The following DYNC1H1 variants were observed in gnomAD, a reference collection of about 807,000 sequenced individuals.
DYNC1H1 encodes the protein dynein cytoplasmic 1 heavy chain 1, also known as cytoplasmic dynein 1 heavy chain 1.
Under a neutral mutation model 527.1 loss-of-function variants are expected in DYNC1H1, and 51 were observed. The observed-to-expected ratio is 0.10, with a 90% CI of 0.08 to 0.12. DYNC1H1 has a LOEUF of 0.12. DYNC1H1 is among the 10% of genes least tolerant of loss of function. DYNC1H1 has a pLI of 1.00. For synonymous variants in DYNC1H1, 2,189 were observed against 2,278.8 expected (o/e 0.96, Z 1.12); for missense variants, 2,771 against 5,971.8 (o/e 0.46, Z 17.66).
chr14:102,047,641 G>GTGTGTGTATATATA, intron 72 of DYNC1H1, 176 bp from the exon 73 acceptor site: 6 of 316,758 alleles, frequency 1.9e-5, no homozygotes, highest in African/African-American at 1.2e-4. Context: ...GTGTGTGTGT[G>GTGTGTGTATATATA]TATATATATA....
rs906261975 is a variant in DYNC1H1 at position 101,966,433 on chromosome 14, C to CT, written c.256+1496dup. 3.4e-4 allele frequency among the ~76,000 whole-genome samples: 50 copies of CT among 148,116 alleles called. 2 individuals are homozygous for CT. The highest frequency in any genetic ancestry group is 1.2e-3 in the East Asian group (6 of 5,114). On this transcript the variant is annotated intron_variant, in intron 1 of 77. Coordinates refer to ENST00000360184, the MANE Select transcript of DYNC1H1 (RefSeq NM_001376.5). ...GTTAAAAAAAAAAAATTTATCTACT[C>CT]TTTTTTTTTTCCAAAAAACATATAG...
At chr14:102,008,727 G>T (rs1354924711) in intron 29 of DYNC1H1, among the ~76,000 whole-genome samples, 3 of 152,192 alleles carry the variant, frequency 2.0e-5, no homozygotes, top group Non-Finnish European at 4.4e-5. Flanking sequence ...GGCAGAGGTT[G>T]TAGTGAACTG....
rs766725205 is a variant in DYNC1H1, at chr14:102,010,737, T to C, written c.6406-3T>C. 3.7e-6 allele frequency: 6 copies of C among 1,612,416 alleles called. No homozygotes were observed. Among genetic ancestry groups the C allele is most frequent in the East Asian group, 4.5e-5 (2 of 44,880 alleles). On this transcript the variant is annotated splice_polypyrimidine_tract_variant and splice_region_variant and intron_variant, in intron 31 of 77. Transcript: ENST00000360184. This position sits in a 1 kb window ranked among gnomAD's most constrained non-coding sequence, Gnocchi z 6.0. ...TGCTCACAGCCCAGCCCTCTCCCCG[T>C]AGATTCTGATACAGAGCGTCTGTGA...
chr14:102,004,800 C>G lies in DYNC1H1; in HGVS notation c.5088C>G (p.Pro1696=). The part of the protein sequence containing the change: ...FKTPVSITEH[P]KINEWLTLVE... The stretch of plus-strand genomic sequence containing the variant: ...CTCCTGTGTCAATTACTGAACATCC[C>G]AAAATCAATGAGTGGCTCACATTGG... Residue 1696 remains proline (P), a synonymous_variant, in exon 25 of 78, where the codon CCC becomes CCG. Transcript: ENST00000360184. 2 of 1,614,126 alleles carry G rather than the reference C, an allele frequency of 1.2e-6. No homozygotes were observed. Among genetic ancestry groups the G allele is most frequent in the Non-Finnish European group, 1.7e-6 (2 of 1,180,040 alleles).
chr14:101,964,945 A>G lies in DYNC1H1; in HGVS notation c.254A>G (p.Lys85Arg). 6.3e-7 allele frequency: 1 copy of G among 1,595,702 alleles called. No homozygotes were observed. Residue 85 changes from lysine (K) to arginine (R), a missense_variant and splice_region_variant, in exon 1 of 78, where the codon AAA becomes AGA. Physicochemically the swap from Lys to Arg is conservative, Grantham distance 26. This residue lies in a region of DYNC1H1 where 146 missense variants were observed against 288.1 expected (regional missense o/e 0.51). Transcript: ENST00000360184. This position sits in a 1 kb window ranked among gnomAD's most constrained non-coding sequence, Gnocchi z 5.5. ...GTGCTGGTGGAGCGCTCCACGCTCA[A>G]AGGTGCGGGGCCGCGGAGGGCAGGG... ...HTVLVERSTLKEDVGDEGEEE... is the reference protein window; with the variant it reads ...HTVLVERSTLREDVGDEGEEE...
intron 10 of DYNC1H1, among the ~76,000 whole-genome samples, chr14:101,990,611 AC>A (rs1219558510): frequency 6.6e-6 from 1 of 152,128 alleles, no homozygotes; most frequent in African/African-American, 2.4e-5. Flanking sequence ...GCAGTGGCTT[AC>A]CCCTGTAATC....
chr14:102,032,945 TG>T, intron 52 of DYNC1H1, 119 bp from the exon 53 acceptor site: 1 of 996,522 alleles, frequency 1.0e-6, no homozygotes. Flanking sequence ...TCATCCCCAG[TG>T]GTCAGTCACT....
intron 1 of DYNC1H1, among the ~76,000 whole-genome samples, chr14:101,969,901 C>T (rs940420537): frequency 1.3e-5 from 2 of 152,138 alleles, no homozygotes; most frequent in African/African-American, 4.8e-5. Context: ...GAGATTTAGC[C>T]CAGCCCTCAT....
intron 5 of DYNC1H1, among the ~76,000 whole-genome samples, chr14:101,981,993 T>G (rs969570520): frequency 1.3e-5 from 2 of 152,188 alleles, no homozygotes; most frequent in Admixed American, 1.3e-4. Flanking sequence ...ACCCCCAGAC[T>G]GGTACTGGTC....
At position 102,015,337 on chromosome 14, in the gene DYNC1H1, G is replaced by A. The variant is rs770870431; in HGVS notation, c.7242+5G>A. 5.6e-6 allele frequency: 9 copies of A among 1,607,000 alleles called. No individual in the cohort carries two copies. The highest frequency in any genetic ancestry group is 4.4e-5 in the South Asian group (4 of 90,252). On this transcript the variant is annotated splice_donor_5th_base_variant and intron_variant, in intron 35 of 77. Transcript: ENST00000360184. The surrounding 1 kb of genome is among the most constrained non-coding windows in gnomAD (Gnocchi z 6.9). ...GCCGCTTCCCCCATGCTGCAGGTACGCCCAGGTGGGACCCCACATATCATG... is the reference window on the plus strand; with the variant it reads ...GCCGCTTCCCCCATGCTGCAGGTACACCCAGGTGGGACCCCACATATCATG...
rs71116874 is a variant in DYNC1H1, at chr14:102,047,641, G to GTATATATA, written c.13007-160_13007-153dup. 5.2e-3 allele frequency: 1,650 copies of GTATATATA among 316,678 alleles called. 82 individuals carry two copies. The African/African-American group carries it at 0.052, about 10-fold the overall frequency. 19.6% of individuals were successfully genotyped at this position (316,678 alleles called of 1,614,324 possible). On this transcript the variant is annotated intron_variant, in intron 72 of 77. Coordinates refer to ENST00000360184, the MANE Select transcript of DYNC1H1 (RefSeq NM_001376.5). ...TACACGTGTGTGTGTGTGTGTGTGTGTATATATATATATATATATATATGT... is the reference window on the plus strand; with the variant it reads ...TACACGTGTGTGTGTGTGTGTGTGTGTATATATATATATATATATATATATATATATGT...
Position 101,985,664 on chromosome 14 carries a change from G to C in DYNC1H1, c.1462-23G>C. 6.2e-7 allele frequency: 1 copy of C among 1,613,402 alleles called. No individual in the cohort carries two copies. The highest frequency in any genetic ancestry group is 8.5e-7 in the Non-Finnish European group (1 of 1,179,412). On this transcript the variant is annotated intron_variant, in intron 7 of 77. Transcript: ENST00000360184. The surrounding 1 kb of genome is among the most constrained non-coding windows in gnomAD (Gnocchi z 5.9). Reference sequence around the variant, plus strand: ...AGCCTTCGTTTGGTCAGCATTTCTTGATTACATATCTTTCTCCTTTAGGTC... The same window carrying C: ...AGCCTTCGTTTGGTCAGCATTTCTTCATTACATATCTTTCTCCTTTAGGTC...
rs1178872568 is a variant in DYNC1H1, at chr14:102,011,534, A to T, written c.6619-341A>T. On this transcript the variant is annotated intron_variant, in intron 32 of 77. Coordinates refer to ENST00000360184, the MANE Select transcript of DYNC1H1 (RefSeq NM_001376.5). The surrounding 1 kb of genome is among the most constrained non-coding windows in gnomAD (Gnocchi z 5.3). ...CCTGACTTACTAAAGAACTCGCCAC[A>T]GTTTGGAAATGTTTGTTTTACATGT... 6 of 362,502 alleles carry T rather than the reference A, an allele frequency of 1.7e-5. No individual in the cohort carries two copies. In the East Asian group the frequency reaches 4.2e-4, roughly 25 times the overall value. The allele number at this position is 362,502 out of a possible 1,614,324, so 22.5% of individuals were successfully genotyped here. A position where few individuals can be genotyped will look rare whatever the true frequency, so the allele number is the denominator to read the frequency against.
At chr14:102,009,087 C>G (rs2048229858) in intron 29 of DYNC1H1, among the ~76,000 whole-genome samples, 1 of 152,168 alleles carries the variant, frequency 6.6e-6, no homozygotes. Context: ...GGAAACAAGC[C>G]CTTTATCACG....
Position 102,034,355 on chromosome 14 carries a change from C to G in DYNC1H1, c.10657C>G (p.Leu3553Val), listed in dbSNP as rs1595626695. The G allele has an allele frequency of 1.2e-6, 2 of 1,614,080 alleles. No homozygotes were observed. The highest frequency in any genetic ancestry group is 1.7e-6 in the Non-Finnish European group (2 of 1,180,062). Reference sequence around the variant, plus strand: ...TACAGATATTGCCAGGACGGAATACCTTTCCAATGCTGATGAGCGTCTTCG... The same window carrying G: ...TACAGATATTGCCAGGACGGAATACGTTTCCAATGCTGATGAGCGTCTTCG... ...FRTDIARTEY[L>V]SNADERLRWQ... is the part of the protein sequence containing the mutation. The change falls in exon 56 of 78, where the codon CTT becomes GTT. Residue 3553 changes from leucine to valine, a missense_variant. This residue lies in a region of DYNC1H1 where 283 missense variants were observed against 737.6 expected (regional missense o/e 0.38). Coordinates refer to ENST00000360184, the MANE Select transcript of DYNC1H1 (RefSeq NM_001376.5).
At position 102,036,433 on chromosome 14, in the gene DYNC1H1, T is replaced by A; in HGVS notation, c.10755-56T>A. On this transcript the variant is annotated intron_variant, in intron 56 of 77. Transcript: ENST00000360184. This position sits in a 1 kb window ranked among gnomAD's most constrained non-coding sequence, Gnocchi z 5.6. ...TCATCAGGGACTCGGCTAACCGTGA[T>A]CCTGTGCTTTCCCCATTCGGTGTTT... 3.1e-6 allele frequency: 5 copies of A among 1,609,202 alleles called. No individual in the cohort carries two copies. Among genetic ancestry groups the A allele is most frequent in the Non-Finnish European group, 4.2e-6 (5 of 1,177,540 alleles).
Position 102,041,389 on chromosome 14 carries a change from C to T in DYNC1H1, c.11942-185C>T. 2 of 882,816 alleles carry T rather than the reference C, an allele frequency of 2.3e-6. No homozygotes were observed. Among genetic ancestry groups the T allele is most frequent in the South Asian group, 2.9e-5 (2 of 68,208 alleles). 54.7% of individuals were successfully genotyped at this position (882,816 alleles called of 1,614,324 possible). On this transcript the variant is annotated intron_variant, in intron 64 of 77. Coordinates refer to ENST00000360184, the MANE Select transcript of DYNC1H1 (RefSeq NM_001376.5). This position sits in a 1 kb window ranked among gnomAD's most constrained non-coding sequence, Gnocchi z 4.5. ...GGATACATCCAGGTAGTAAGGTGTT[C>T]TCACAGGCGTGTCCAGAGGGCTCAC...
chr14:102,009,594 G>T, intron 29 of DYNC1H1: 1 of 498,458 alleles, frequency 2.0e-6, no homozygotes, highest in Non-Finnish European at 3.6e-6. Flanking sequence ...AAATAAAATA[G>T]TGGTCTCTGC....
intron 56 of DYNC1H1, chr14:102,035,873 C>T (rs2048569098): frequency 6.5e-6 from 1 of 153,374 alleles, no homozygotes; most frequent in Admixed American, 6.5e-5. Flanking sequence ...TGGTTCTTCT[C>T]ACCATATGCC....
Sources: allele counts gnomAD v4.1 joint callset (sites outside exome capture counted in the v4.1 genomes callset), GRCh38; gene constraint gnomAD v4.1.1; regional missense constraint gnomAD v4.1.1; non-coding constraint Gnocchi (gnomAD v3.1); transcripts MANE v1.5; gene names NCBI Gene and HGNC (gene_info 2026-07-23, HGNC 2026-07-21).